Variants in TFPI observed in about 807,000 individuals in gnomAD.
TFPI encodes tissue factor pathway inhibitor.
Under a neutral mutation model 34.6 loss-of-function variants are expected in TFPI, and 15 were observed. That is an observed-to-expected ratio of 0.43 (90% CI 0.29 to 0.67). TFPI has a LOEUF of 0.67. Among genes scored for constraint, TFPI ranks in the 30% least tolerant of loss-of-function variants. TFPI has a pLI of 0.15. For synonymous variants in TFPI, 105 were observed against 120.1 expected (o/e 0.87, Z 0.82); for missense variants, 301 against 364.0 (o/e 0.83, Z 1.41).
At chr2:187,543,916 T>C (rs1019564992) in intron 1 of TFPI, among the ~76,000 whole-genome samples, 7 of 152,132 alleles carry the variant, frequency 4.6e-5, no homozygotes, top group Non-Finnish European at 8.8e-5. Context: ...TCTTGTAACA[T>C]TGAGGCAGAC....
At chr2:187,525,266 C>T (rs1277983260) in intron 1 of TFPI, among the ~76,000 whole-genome samples, 1 of 152,032 alleles carries the variant, frequency 6.6e-6, no homozygotes, top group Admixed American at 6.6e-5. Flanking sequence ...GTAATATTTG[C>T]ACTCATAACT....
At chr2:187,515,998 G>A (rs913634008) in intron 1 of TFPI, 4 of 152,160 alleles carry the variant, frequency 2.6e-5, no homozygotes, top group African/African-American at 9.6e-5. Flanking sequence ...CAGTACTATG[G>A]GCCTGCCACT....
intron 7 of TFPI, 128 bp from the exon 8 acceptor site, chr2:187,467,170 T>C: frequency 1.6e-6 from 1 of 609,686 alleles, no homozygotes; most frequent in Non-Finnish European, 2.7e-6. Flanking sequence ...AAGCCTTTAA[T>C]TTGTCCATGT....
At chr2:187,537,009 C>A (rs1156454533) in intron 1 of TFPI, among the ~76,000 whole-genome samples, 1 of 152,066 alleles carries the variant, frequency 6.6e-6, no homozygotes, top group Non-Finnish European at 1.5e-5. Context: ...AATAAAAGAC[C>A]TAGGAATACA....
In TFPI at chr2:187,503,717, G is replaced by A. The variant is rs1233703374; in HGVS notation, c.52C>T (p.Leu18=). 6.2e-7 allele frequency: 1 copy of A among 1,613,192 alleles called. No individual in the cohort carries two copies. Among genetic ancestry groups the A allele is most frequent in the Non-Finnish European group, 8.5e-7 (1 of 1,179,398 alleles). ...VHALWASVCL[L]LNLAPAPLNA... is the part of the protein sequence containing the mutation. ...AGAGGGGCAGGGGCAAGATTAAGCA[G>A]CAGGCATACAGAAGCCCAAAGTGCA... is the stretch of plus-strand genomic sequence containing the variant. The change falls in exon 2 of 8, where the codon CTG becomes TTG. Residue 18 remains leucine (L), a synonymous_variant. Coordinates refer to ENST00000233156, the MANE Select transcript of TFPI (RefSeq NM_006287.6).
intron 6 of TFPI, among the ~76,000 whole-genome samples, chr2:187,468,922 GGAA>G (rs1178962703): frequency 1.3e-5 from 2 of 151,962 alleles, no homozygotes; most frequent in African/African-American, 4.8e-5. Context: ...ATACAGAGGA[GGAA>G]GATTTGCTAA....
At chr2:187,515,096 G>A (rs1289975826) in intron 1 of TFPI, 1 of 152,212 alleles carries the variant, frequency 6.6e-6, no homozygotes, top group African/African-American at 2.4e-5. Flanking sequence ...CCCTGGCTGG[G>A]GCCAGTGGCC....
chr2:187,499,546 A>G (rs922992668), intron 2 of TFPI: 1 of 151,284 alleles, frequency 6.6e-6, no homozygotes, highest in Admixed American at 6.6e-5. Flanking sequence ...TTTTTATGAG[A>G]AACCAGAAAA....
intron 1 of TFPI, among the ~76,000 whole-genome samples, chr2:187,545,636 A>G (rs1300441827): frequency 6.6e-6 from 1 of 152,172 alleles, no homozygotes; most frequent in Non-Finnish European, 1.5e-5. Flanking sequence ...CACCTAAAGT[A>G]AATTTCAGAT....
intron 5 of TFPI, 91 bp from the exon 6 acceptor site, chr2:187,484,307 C>T: frequency 9.7e-7 from 1 of 1,032,094 alleles, no homozygotes; most frequent in Non-Finnish European, 1.4e-6. Context: ...AAAAAGCAGA[C>T]TTCTGGCAAT....
At chr2:187,522,735 A>C (rs913696830) in intron 1 of TFPI, among the ~76,000 whole-genome samples, 63 of 148,832 alleles carry the variant, frequency 4.2e-4, no homozygotes, top group African/African-American at 1.6e-3. Flanking sequence ...TACAAAAAAA[A>C]AAAAAAAAAC....
intron 3 of TFPI, among the ~76,000 whole-genome samples, chr2:187,496,424 T>C (rs1194149183): frequency 6.6e-6 from 1 of 152,110 alleles, no homozygotes; most frequent in African/African-American, 2.4e-5. Context: ...ATTACAAGTC[T>C]GGGAGGCCGA....
At chr2:187,478,520 T>A in intron 6 of TFPI, 1 of 1,132,156 alleles carries the variant, frequency 8.8e-7, no homozygotes, top group Non-Finnish European at 1.2e-6. Flanking sequence ...CTCCTGAGAA[T>A]ATTCATTTTT....
intron 6 of TFPI, chr2:187,483,909 C>A: frequency 1.9e-6 from 1 of 513,236 alleles, no homozygotes; most frequent in South Asian, 2.9e-5. Context: ...CAAAAGCTTA[C>A]TTCAAAGCAT....
intron 1 of TFPI, among the ~76,000 whole-genome samples, chr2:187,522,686 A>G (rs986555021): frequency 3.4e-5 from 5 of 147,462 alleles, no homozygotes; most frequent in African/African-American, 1.3e-4. Context: ...GATCAAGACC[A>G]TCCTGGCTAA....
At chr2:187,472,764 C>A (rs1447169119) in intron 6 of TFPI, among the ~76,000 whole-genome samples, 3 of 152,156 alleles carry the variant, frequency 2.0e-5, no homozygotes, top group Non-Finnish European at 2.9e-5. Flanking sequence ...GTAATCCCAG[C>A]ACTTTGGGAG....
chr2:187,517,208 G>C (rs1021797553), intron 1 of TFPI: 1 of 152,134 alleles, frequency 6.6e-6, no homozygotes, highest in African/African-American at 2.4e-5. Context: ...GTTTGCTCTT[G>C]CTTCTCTAGT....
At chr2:187,486,291 ATTTG>A (rs1693256536) in intron 4 of TFPI, among the ~76,000 whole-genome samples, 1 of 151,658 alleles carries the variant, frequency 6.6e-6, no homozygotes, top group Non-Finnish European at 1.5e-5. Flanking sequence ...CTATCATATG[ATTTG>A]TTTTAGTCTT....
At chr2:187,535,616 C>A (rs1384997684) in intron 1 of TFPI, among the ~76,000 whole-genome samples, 2 of 152,082 alleles carry the variant, frequency 1.3e-5, no homozygotes, top group Non-Finnish European at 2.9e-5. Flanking sequence ...GCACTAAATG[C>A]CGACAGGAGA....
Sources: allele counts gnomAD v4.1 joint callset (sites outside exome capture counted in the v4.1 genomes callset), GRCh38; gene constraint gnomAD v4.1.1; transcripts MANE v1.5; gene names NCBI Gene and HGNC (gene_info 2026-07-23, HGNC 2026-07-21).